The following RABGAP1L variants were observed in gnomAD, a reference collection of about 807,000 sequenced individuals.
The protein encoded by RABGAP1L is rab GTPase-activating protein 1-like.
RABGAP1L carries 63 observed loss-of-function variants against 137.7 expected under a neutral mutation model. That is an observed-to-expected ratio of 0.46 (90% CI 0.37 to 0.56). The LOEUF (loss-of-function observed/expected upper bound fraction) is 0.56. Ranked by LOEUF, RABGAP1L falls within the 20% of genes least tolerant of loss-of-function variation. The probability of loss-of-function intolerance (pLI) is 0.00; values close to 1 mark genes in which losing one functional copy is unlikely to be tolerated. For synonymous variants in RABGAP1L, 431 were observed against 433.7 expected (o/e 0.99, Z 0.08); for missense variants, 1,095 against 1,244.0 (o/e 0.88, Z 1.80).
At chr1:174,982,287 C>T (rs866143621) in intron 23 of RABGAP1L, among the ~76,000 whole-genome samples, 57 of 152,112 alleles carry the variant, frequency 3.7e-4, no homozygotes, top group African/African-American at 1.4e-3. Flanking sequence ...TCCCCTAGTC[C>T]CCTACCCCTC....
At chr1:174,456,442 A>T (rs1477090299) in intron 13 of RABGAP1L, among the ~76,000 whole-genome samples, 2 of 151,314 alleles carry the variant, frequency 1.3e-5, no homozygotes, top group East Asian at 1.9e-4. Context: ...TATGTTTTGA[A>T]TTTTTTTTTG....
chr1:174,552,229 T>C (rs1666593337), intron 13 of RABGAP1L, among the ~76,000 whole-genome samples: 1 of 152,160 alleles, frequency 6.6e-6, no homozygotes, highest in East Asian at 1.9e-4. Flanking sequence ...GGTAAACTTG[T>C]GTGGTGGGGG....
At chr1:174,390,583 C>T (rs939724325) in intron 12 of RABGAP1L, among the ~76,000 whole-genome samples, 5 of 152,070 alleles carry the variant, frequency 3.3e-5, no homozygotes, top group Non-Finnish European at 7.4e-5. Context: ...TTTCATTCTG[C>T]CTACAATGTT....
At position 174,886,273 on chromosome 1, in the gene RABGAP1L, A is replaced by G. The variant is rs1044684380; in HGVS notation, c.2341-71184A>G. 3.9e-5 allele frequency among the ~76,000 whole-genome samples: 6 copies of G among 152,218 alleles called. No homozygotes were observed. The East Asian group carries it at 1.2e-3, about 30-fold the overall frequency. On this transcript the variant is annotated intron_variant, in intron 19 of 25. Transcript: ENST00000681986. Reference sequence around the variant, plus strand: ...GTGGTCTTCCCGCCTTGACCTCCCAAAGTGCTCAGATTACAGGCGTAAGCC... The same window carrying G: ...GTGGTCTTCCCGCCTTGACCTCCCAGAGTGCTCAGATTACAGGCGTAAGCC...
intron 13 of RABGAP1L, among the ~76,000 whole-genome samples, chr1:174,522,957 T>G (rs948938044): frequency 6.6e-6 from 1 of 152,194 alleles, no homozygotes; most frequent in African/African-American, 2.4e-5. Flanking sequence ...CTTTTCAACA[T>G]GAGATTTGGG....
chr1:174,725,037 C>T (rs1421374121), intron 17 of RABGAP1L, among the ~76,000 whole-genome samples: 1 of 152,032 alleles, frequency 6.6e-6, no homozygotes, highest in Non-Finnish European at 1.5e-5. Context: ...GCTTGGTGGC[C>T]ATATTGAGGA....
rs554971624 is a variant in RABGAP1L at position 174,417,504 on chromosome 1, C to T, written c.1710+23359C>T. On this transcript the variant is annotated intron_variant, in intron 13 of 25. Transcript: ENST00000681986. Reference sequence around the variant, plus strand: ...CAAAGGAAGAAACTTATTAAATGCCCAACTTATATGTGATGCATCTAATGG... The same window carrying T: ...CAAAGGAAGAAACTTATTAAATGCCTAACTTATATGTGATGCATCTAATGG... 3.9e-5 allele frequency among the ~76,000 whole-genome samples: 6 copies of T among 152,178 alleles called. No individual in the cohort carries two copies. In the South Asian group the frequency reaches 1.2e-3, roughly 32 times the overall value.
chr1:174,790,719 G>A (rs1466890180), intron 18 of RABGAP1L, among the ~76,000 whole-genome samples: 2 of 151,852 alleles, frequency 1.3e-5, no homozygotes, highest in African/African-American at 2.4e-5. Context: ...CGGCAAAAAC[G>A]GTGCAGAGGC....
At chr1:174,872,729 T>G (rs1232087271) in intron 19 of RABGAP1L, among the ~76,000 whole-genome samples, 1 of 152,048 alleles carries the variant, frequency 6.6e-6, no homozygotes, top group African/African-American at 2.4e-5. Context: ...TTTGTAAAGA[T>G]GTAGTCTCAC....
chr1:174,673,890 T>C (rs894905106), intron 14 of RABGAP1L, among the ~76,000 whole-genome samples: 4 of 152,190 alleles, frequency 2.6e-5, no homozygotes, highest in Non-Finnish European at 5.9e-5. Context: ...TACCTCATTA[T>C]TTAGCTTCAC....
chr1:174,467,341 T>C (rs926207402), intron 13 of RABGAP1L, among the ~76,000 whole-genome samples: 1 of 152,036 alleles, frequency 6.6e-6, no homozygotes, highest in Non-Finnish European at 1.5e-5. Context: ...TTCTCAAAGA[T>C]TAATAATACT....
chr1:174,354,293 T>G (rs945274863), intron 11 of RABGAP1L, among the ~76,000 whole-genome samples: 2 of 151,954 alleles, frequency 1.3e-5, no homozygotes, highest in African/African-American at 4.8e-5. Flanking sequence ...AATTAATTTT[T>G]ACCTTGCAGC....
intron 1 of RABGAP1L, among the ~76,000 whole-genome samples, chr1:174,193,037 G>A (rs1434961586): frequency 6.6e-6 from 1 of 152,200 alleles, no homozygotes; most frequent in Non-Finnish European, 1.5e-5. Context: ...ATACAGTTGA[G>A]TGATGACTGC....
chr1:174,352,059 C>T (rs1370258258), intron 11 of RABGAP1L, among the ~76,000 whole-genome samples: 6 of 152,160 alleles, frequency 3.9e-5, no homozygotes, highest in African/African-American at 1.4e-4. Context: ...CCGCCTGCCT[C>T]GGACTCCCAA....
Position 174,637,400 on chromosome 1 carries a change from C to T in RABGAP1L, c.1736C>T (p.Thr579Ile), listed in dbSNP as rs762657559. ...GACTCAGCCCAGGAGAGTGTTATTA[C>T]TCGAGATATTCATCGTACATTTCCC... is the stretch of plus-strand genomic sequence containing the variant. ...TKDSAQESVI[T>I]RDIHRTFPAH... is the part of the protein sequence containing the mutation. Residue 579 changes from threonine to isoleucine, a missense_variant, in exon 14 of 26, where the codon ACT (threonine) becomes ATT (isoleucine). By Grantham distance (89) the Thr-to-Ile change is moderately conservative. Transcript: ENST00000681986. 1 of 1,612,192 alleles carries T rather than the reference C, an allele frequency of 6.2e-7. No individual in the cohort carries two copies. The highest frequency in any genetic ancestry group is 8.5e-7 in the Non-Finnish European group (1 of 1,178,338).
chr1:174,664,744 T>TTTTTTTTTTTTTTTG (rs1676649951), intron 14 of RABGAP1L, among the ~76,000 whole-genome samples: 1 of 141,742 alleles, frequency 7.1e-6, no homozygotes, highest in African/African-American at 2.7e-5. Context: ...CTTTTTTTTT[T>TTTTTTTTTTTTTTTG]TTTTTTTTTT....
intron 13 of RABGAP1L, among the ~76,000 whole-genome samples, chr1:174,466,106 C>T (rs1466530853): frequency 5.9e-5 from 9 of 152,164 alleles, no homozygotes. Flanking sequence ...GTCACCTTAG[C>T]TTTGTAGTGA....
At chr1:174,710,962 G>C (rs995922454) in intron 17 of RABGAP1L, among the ~76,000 whole-genome samples, 34 of 152,130 alleles carry the variant, frequency 2.2e-4, no homozygotes, top group African/African-American at 7.7e-4. Context: ...AGGAGCCCAC[G>C]GTGGCGGGGA....
At chr1:174,306,947 C>T (rs1572007851) in intron 11 of RABGAP1L, among the ~76,000 whole-genome samples, 1 of 152,048 alleles carries the variant, frequency 6.6e-6, no homozygotes, top group Non-Finnish European at 1.5e-5. Context: ...CTCAGTCTTG[C>T]TTCTGTATGA....
Sources: gnomAD v4.1 joint callset for allele counts (sites outside exome capture counted in the v4.1 genomes callset) on GRCh38, gnomAD v4.1.1 for gene constraint, MANE v1.5 for transcripts, NCBI Gene and HGNC (gene_info 2026-07-23, HGNC 2026-07-21) for gene names.